Variants in RBFOX1 observed in about 807,000 individuals in gnomAD.
RBFOX1 encodes RNA binding fox-1 homolog 1.
Under a neutral mutation model 57.7 loss-of-function variants are expected in RBFOX1, and 8 were observed. That is an observed-to-expected ratio of 0.14 (90% CI 0.08 to 0.25). The LOEUF (loss-of-function observed/expected upper bound fraction) is 0.25, where lower values mean the gene tolerates loss of function less well. Among genes scored for constraint, RBFOX1 ranks in the 10% least tolerant of loss-of-function variants. The probability of loss-of-function intolerance (pLI) is 1.00; values close to 1 mark genes in which losing one functional copy is unlikely to be tolerated. For synonymous variants in RBFOX1, 326 were observed against 222.4 expected, an observed-to-expected ratio of 1.47 and a Z score of -4.15; for missense variants, 611 against 548.5, an observed-to-expected ratio of 1.11 and a Z score of -1.14.
chr16:6,718,878 T>G (rs2065365084), intron 3 of RBFOX1, among the ~76,000 whole-genome samples: 1 of 152,206 alleles, frequency 6.6e-6, no homozygotes, highest in Admixed American at 6.5e-5. Flanking sequence ...TTGCTTGTTT[T>G]TTGAGACAGA....
chr16:6,681,210 G>T (rs765486892), intron 3 of RBFOX1, among the ~76,000 whole-genome samples: 4 of 152,156 alleles, frequency 2.6e-5, no homozygotes, highest in Non-Finnish European at 5.9e-5. Context: ...TACTTGGGAG[G>T]TTGAGGCAGG....
At position 7,245,309 on chromosome 16, in the gene RBFOX1, A is replaced by G. The variant is rs2094245150; in HGVS notation, c.27+193211A>G. 2.0e-5 allele frequency among the ~76,000 whole-genome samples: 3 copies of G among 151,984 alleles called. No individual in the cohort carries two copies. The South Asian group carries it at 6.2e-4, about 32-fold the overall frequency. Reference sequence around the variant, plus strand: ...TATTTCATTATCTTTTGTTTCCTGTACTCTTGAGTTTTTTTAAATTTTATT... The same window carrying G: ...TATTTCATTATCTTTTGTTTCCTGTGCTCTTGAGTTTTTTTAAATTTTATT... On this transcript the variant is annotated intron_variant, in intron 4 of 15. Coordinates refer to ENST00000550418, the MANE Select transcript of RBFOX1 (RefSeq NM_018723.4).
Position 6,499,666 on chromosome 16 carries a change from A to G in RBFOX1, c.-63-154937A>G, listed in dbSNP as rs772116785. On this transcript the variant is annotated intron_variant, in intron 2 of 15. Coordinates refer to ENST00000550418, the MANE Select transcript of RBFOX1 (RefSeq NM_018723.4). ...CAAGTTCTCATTATTGTAATGTGTCAACATCACTTCAGTGACCCCAGAGTC... is the reference window on the plus strand; with the variant it reads ...CAAGTTCTCATTATTGTAATGTGTCGACATCACTTCAGTGACCCCAGAGTC... Among the ~76,000 whole-genome samples, 34 of 152,092 alleles carry G rather than the reference A, an allele frequency of 2.2e-4. 1 individual carries two copies. The highest frequency in any genetic ancestry group is 5.9e-5 in the Non-Finnish European group (4 of 68,030).
At chr16:5,955,838 A>T (rs1279282074) in intron 4 of RBFOX1, among the ~76,000 whole-genome samples, 6 of 152,242 alleles carry the variant, frequency 3.9e-5, no homozygotes, top group African/African-American at 1.2e-4. Context: ...ATGACATGTT[A>T]ATGTAGTTAC....
intron 4 of RBFOX1, among the ~76,000 whole-genome samples, chr16:5,965,173 C>G (rs9936018): frequency 1.3e-5 from 2 of 152,176 alleles, no homozygotes; most frequent in South Asian, 2.1e-4. Flanking sequence ...TCTGTTTATA[C>G]CACACAGTAT....
intron 1 of RBFOX1, among the ~76,000 whole-genome samples, chr16:6,077,605 A>G (rs2095924655): frequency 6.6e-6 from 1 of 152,058 alleles, no homozygotes; most frequent in African/African-American, 2.4e-5. Context: ...ATACTTTGCA[A>G]CTACATGGTC....
chr16:6,928,115 C>T (rs2075933898), intron 3 of RBFOX1, among the ~76,000 whole-genome samples: 1 of 152,118 alleles, frequency 6.6e-6, no homozygotes, highest in Non-Finnish European at 1.5e-5. Flanking sequence ...GTCCCTTCGG[C>T]AGATGGCACA....
rs139553945 is a variant in RBFOX1 at position 6,878,590 on chromosome 16, C to T, written c.-15-173467C>T. Among the ~76,000 whole-genome samples the T allele has an allele frequency of 3.2e-4, 48 of 152,266 alleles. 1 individual carries two copies. In the East Asian group the frequency reaches 8.9e-3, roughly 28 times the overall value. ...CATGGCGCATCCTGACTGACACATG[C>T]AGTGTCCTCATGTGAACATTTTGTT... On this transcript the variant is annotated intron_variant, in intron 3 of 15. Coordinates refer to ENST00000550418, the MANE Select transcript of RBFOX1 (RefSeq NM_018723.4).
At chr16:6,671,347 A>G (rs1212376269) in intron 3 of RBFOX1, among the ~76,000 whole-genome samples, 1 of 152,212 alleles carries the variant, frequency 6.6e-6, no homozygotes, top group Non-Finnish European at 1.5e-5. Context: ...AATTGATATA[A>G]TGTTTAATAA....
intron 5 of RBFOX1, among the ~76,000 whole-genome samples, chr16:7,559,351 C>T (rs922469652): frequency 3.9e-5 from 6 of 152,188 alleles, no homozygotes; most frequent in Non-Finnish European, 8.8e-5. Context: ...CTCTTTCTCC[C>T]TCTCTTCCTT....
intron 4 of RBFOX1, among the ~76,000 whole-genome samples, chr16:5,966,478 G>A (rs1191287656): frequency 6.6e-6 from 1 of 152,114 alleles, no homozygotes; most frequent in Non-Finnish European, 1.5e-5. Flanking sequence ...TTTGTTTTGA[G>A]GTAGAGTCTT....
At chr16:6,643,268 G>C (rs1415455500) in intron 2 of RBFOX1, among the ~76,000 whole-genome samples, 1 of 152,156 alleles carries the variant, frequency 6.6e-6, no homozygotes, top group Non-Finnish European at 1.5e-5. Context: ...AAAGTTATTT[G>C]CTCCCATCTG....
intron 10 of RBFOX1, among the ~76,000 whole-genome samples, chr16:7,616,826 C>G (rs985160840): frequency 6.6e-6 from 1 of 152,060 alleles, no homozygotes; most frequent in Non-Finnish European, 1.5e-5. Context: ...GCCACCATGG[C>G]TGGCGCAAAA....
At chr16:6,287,694 A>G (rs1442984736) in intron 1 of RBFOX1, among the ~76,000 whole-genome samples, 6 of 152,164 alleles carry the variant, frequency 3.9e-5, no homozygotes, top group Non-Finnish European at 7.4e-5. Context: ...AAAAGCACAC[A>G]CACATATAAG....
chr16:5,305,360 C>T (rs548279942), intron 1 of RBFOX1, among the ~76,000 whole-genome samples: 53 of 152,068 alleles, frequency 3.5e-4, no homozygotes, highest in Non-Finnish European at 6.3e-4. Flanking sequence ...TTCTGAAATA[C>T]CTGCTTTCTG....
At chr16:5,718,091 C>A (rs530294645) in intron 3 of RBFOX1, among the ~76,000 whole-genome samples, 1 of 152,166 alleles carries the variant, frequency 6.6e-6, no homozygotes, top group Non-Finnish European at 1.5e-5. Flanking sequence ...TCATCGAATA[C>A]GATGCACACA....
intron 10 of RBFOX1, among the ~76,000 whole-genome samples, chr16:7,624,490 A>T (rs904977086): frequency 4.6e-5 from 7 of 152,214 alleles, no homozygotes; most frequent in South Asian, 2.1e-4. Context: ...ACGTGATAAC[A>T]TGTCATCCTC....
intron 2 of RBFOX1, among the ~76,000 whole-genome samples, chr16:6,318,334 C>G (rs878892071): frequency 6.6e-6 from 1 of 152,144 alleles, no homozygotes; most frequent in Non-Finnish European, 1.5e-5. Context: ...TTCGGCATTT[C>G]TTGAAAACTG....
chr16:7,431,295 G>C (rs1288536478), intron 4 of RBFOX1: 3 of 152,158 alleles, frequency 2.0e-5, no homozygotes, highest in African/African-American at 7.2e-5. Context: ...TGCAATCATA[G>C]AGCTCACTGC....
Sources: allele counts gnomAD v4.1 joint callset (sites outside exome capture counted in the v4.1 genomes callset), GRCh38; gene constraint gnomAD v4.1.1; transcripts MANE v1.5; gene names NCBI Gene and HGNC (gene_info 2026-07-23, HGNC 2026-07-21).